The following CAPS2 variants were observed in gnomAD, a reference collection of about 807,000 sequenced individuals.
CAPS2 encodes the protein calcyphosin-2.
In CAPS2, 98 loss-of-function variants were observed where a neutral mutation model predicts 86.5. That is an observed-to-expected ratio of 1.13 (90% CI 0.96 to 1.34). The LOEUF (loss-of-function observed/expected upper bound fraction) is 1.34. CAPS2 is among the 40% of genes most tolerant of loss of function. The pLI is 0.00. For missense variants in CAPS2, 729 were observed against 686.8 expected, an observed-to-expected ratio of 1.06 and a Z score of -0.69; for synonymous variants, 210 against 225.1, an observed-to-expected ratio of 0.93 and a Z score of 0.60.
chr12:75,383,647 G>A (rs941331472), intron 1 of CAPS2, among the ~76,000 whole-genome samples: 13 of 152,140 alleles, frequency 8.5e-5, no homozygotes, highest in African/African-American at 2.2e-4. Context: ...AAATCAGTAA[G>A]GACATAGTTA....
chr12:75,284,817 A>G, intron 15 of CAPS2, 144 bp downstream of exon 15: 1 of 637,420 alleles, frequency 1.6e-6, no homozygotes, highest in Non-Finnish European at 2.5e-6. Flanking sequence ...TTGTATGCAT[A>G]TGGACCTGTT....
chr12:75,321,307 T>C, intron 5 of CAPS2, 93 bp downstream of exon 5: 2 of 770,884 alleles, frequency 2.6e-6, no homozygotes, highest in East Asian at 5.4e-5. Context: ...TTATTATGAC[T>C]AATAGCAAGA....
chr12:75,362,345 C>G (rs1432351515), intron 1 of CAPS2, among the ~76,000 whole-genome samples: 3 of 152,066 alleles, frequency 2.0e-5, no homozygotes, highest in Admixed American at 2.0e-4. Context: ...TAGAGAGTGA[C>G]CATGCCAAAT....
At chr12:75,304,869 T>C in exon 8 of CAPS2, 2 of 1,611,174 alleles carry the variant, frequency 1.2e-6, no homozygotes, top group Non-Finnish European at 1.7e-6. Flanking sequence ...GGATCACTGA[T>C]GACAGCCCTA....
intron 13 of CAPS2, among the ~76,000 whole-genome samples, chr12:75,290,029 A>G (rs1432679459): frequency 1.3e-5 from 2 of 152,230 alleles, no homozygotes; most frequent in African/African-American, 4.8e-5. Flanking sequence ...TTTTTAAAAC[A>G]GAAAAATACA....
intron 1 of CAPS2, among the ~76,000 whole-genome samples, chr12:75,347,307 A>C (rs1438104038): frequency 6.6e-6 from 1 of 152,104 alleles, no homozygotes; most frequent in East Asian, 1.9e-4. Flanking sequence ...CAGGGATAGA[A>C]TTAAAATGTA....
At chr12:75,347,592 A>ATT (rs755148054) in intron 1 of CAPS2, 2 of 1,434,780 alleles carry the variant, frequency 1.4e-6, no homozygotes, top group Non-Finnish European at 2.0e-6. Context: ...TGTTTTCCAT[A>ATT]TTTTATCTTG....
At chr12:75,293,188 AG>A (rs2036299986) in intron 12 of CAPS2, 60 bp downstream of exon 12, 1 of 986,932 alleles carries the variant, frequency 1.0e-6, no homozygotes, top group East Asian at 2.4e-5. Context: ...TGTCATTTTA[AG>A]ATAATTTAAA....
At chr12:75,325,046 A>G (rs1362036650) in intron 2 of CAPS2, among the ~76,000 whole-genome samples, 193 bp downstream of exon 3, 1 of 152,168 alleles carries the variant, frequency 6.6e-6, no homozygotes, top group Non-Finnish European at 1.5e-5. Flanking sequence ...AGTATTACCT[A>G]TAATTCTACC....
intron 1 of CAPS2, among the ~76,000 whole-genome samples, chr12:75,351,721 AT>A: frequency 6.6e-6 from 1 of 152,026 alleles, no homozygotes; most frequent in East Asian, 1.9e-4. Flanking sequence ...TAATTTTTGT[AT>A]TTTTAGTACA....
At chr12:75,357,302 TAATC>T (rs2043217474) in intron 1 of CAPS2, among the ~76,000 whole-genome samples, 1 of 152,164 alleles carries the variant, frequency 6.6e-6, no homozygotes, top group Non-Finnish European at 1.5e-5. Flanking sequence ...TTGGGTTAAT[TAATC>T]AAGAGAACAT....
chr12:75,311,767 A>G (rs1019742710), intron 7 of CAPS2, among the ~76,000 whole-genome samples: 106 of 148,334 alleles, frequency 7.1e-4, no homozygotes, highest in Non-Finnish European at 1.5e-3. Context: ...ATAAGGTTTC[A>G]AATGAGACAA....
intron 14 of CAPS2, among the ~76,000 whole-genome samples, chr12:75,287,282 C>T (rs1036128773): frequency 2.0e-5 from 3 of 151,882 alleles, no homozygotes; most frequent in African/African-American, 7.3e-5. Context: ...AAGCTCCTTT[C>T]CCTCTTCAAG....
chr12:75,278,427 C>T (rs1366826151), exon 17 of CAPS2: 2 of 984,778 alleles, frequency 2.0e-6, no homozygotes, highest in Non-Finnish European at 2.4e-6. Context: ...ATCTCACTGG[C>T]TTTGGGCCCA....
chr12:75,343,758 T>C (rs2042267865), intron 1 of CAPS2: 3 of 1,612,818 alleles, frequency 1.9e-6, no homozygotes, highest in Non-Finnish European at 2.5e-6. Context: ...TTGAACATAA[T>C]GACTGTTTGG....
At chr12:75,281,293 G>A (rs1470346886) in intron 16 of CAPS2, among the ~76,000 whole-genome samples, 1 of 151,732 alleles carries the variant, frequency 6.6e-6, no homozygotes, top group African/African-American at 2.4e-5. Flanking sequence ...GTAGAAAACA[G>A]GCCTAAAGAG....
chr12:75,349,605 ATGT>A (rs1420134299), intron 1 of CAPS2, among the ~76,000 whole-genome samples: 1 of 152,224 alleles, frequency 6.6e-6, no homozygotes, highest in Non-Finnish European at 1.5e-5. Flanking sequence ...ATATTTTTAA[ATGT>A]TAAGCAAAGA....
chr12:75,370,100 A>G (rs1165555776), intron 1 of CAPS2: 2 of 1,604,342 alleles, frequency 1.2e-6, no homozygotes, highest in Non-Finnish European at 8.5e-7. Flanking sequence ...CCATTTCTGA[A>G]GCCAACGGGG....
chr12:75,339,135 G>A (rs137911958), intron 1 of CAPS2, among the ~76,000 whole-genome samples: 1 of 152,184 alleles, frequency 6.6e-6, no homozygotes, highest in South Asian at 2.1e-4. Context: ...GGATTGCTGG[G>A]TCAAATGGTA....
Sources: gnomAD v4.1 joint callset for allele counts (sites outside exome capture counted in the v4.1 genomes callset) on GRCh38, gnomAD v4.1.1 for gene constraint, MANE v1.5 for transcripts, NCBI Gene and HGNC (gene_info 2026-07-23, HGNC 2026-07-21) for gene names.